The following RNF217 variants were observed in gnomAD, a reference collection of about 807,000 sequenced individuals.
RNF217 encodes the protein ring finger protein 217, also known as E3 ubiquitin-protein ligase RNF217.
Under a neutral mutation model 57.8 loss-of-function variants are expected in RNF217, and 31 were observed. The ratio of observed to expected loss-of-function variants is 0.54; its 90% CI spans 0.40 to 0.72. RNF217 has a LOEUF of 0.72. Ranked by LOEUF, RNF217 falls within the 30% of genes least tolerant of loss-of-function variation. The pLI is 0.00. For synonymous variants in RNF217, 313 were observed against 294.0 expected (o/e 1.06, Z -0.66); for missense variants, 696 against 708.3 (o/e 0.98, Z 0.20).
At chr6:124,972,709 A>G (rs1783807881) in intron 1 of RNF217, among the ~76,000 whole-genome samples, 1 of 152,028 alleles carries the variant, frequency 6.6e-6, no homozygotes, top group Non-Finnish European at 1.5e-5. Context: ...TTGCTGCCCT[A>G]ACTCTCTTTG....
At chr6:124,981,695 G>A (rs1253920840) in intron 1 of RNF217, among the ~76,000 whole-genome samples, 1 of 151,972 alleles carries the variant, frequency 6.6e-6, no homozygotes, top group African/African-American at 2.4e-5. Context: ...ATATTGCCAG[G>A]GTGAAAATCA....
At chr6:124,973,993 T>C (rs1194851237) in intron 1 of RNF217, among the ~76,000 whole-genome samples, 1 of 152,248 alleles carries the variant, frequency 6.6e-6, no homozygotes, top group African/African-American at 2.4e-5. Flanking sequence ...GCTATGGCTG[T>C]CTACCGAGTG....
intron 1 of RNF217, among the ~76,000 whole-genome samples, chr6:124,983,123 T>C (rs1784237642): frequency 6.6e-6 from 1 of 152,196 alleles, no homozygotes; most frequent in Non-Finnish European, 1.5e-5. Context: ...TGAGAGTCTA[T>C]TTATTTATTT....
intron 3 of RNF217, among the ~76,000 whole-genome samples, chr6:125,074,857 GAC>G (rs1303215185): frequency 1.3e-5 from 2 of 152,132 alleles, no homozygotes; most frequent in African/African-American, 4.8e-5. Flanking sequence ...TGAAGGATTT[GAC>G]ACACTTGTTA....
At chr6:125,011,444 T>C (rs1452268042) in intron 1 of RNF217, among the ~76,000 whole-genome samples, 5 of 152,262 alleles carry the variant, frequency 3.3e-5, no homozygotes, top group Admixed American at 6.5e-5. Context: ...ACGTGTTCAA[T>C]TGGGTTTTAG....
At chr6:125,069,950 C>T (rs1788075899) in intron 3 of RNF217, among the ~76,000 whole-genome samples, 1 of 152,012 alleles carries the variant, frequency 6.6e-6, no homozygotes, top group African/African-American at 2.4e-5. Flanking sequence ...ATAGTGCACC[C>T]ATTATCCGAG....
At chr6:124,991,738 A>G (rs1408382665) in intron 1 of RNF217, among the ~76,000 whole-genome samples, 2 of 152,198 alleles carry the variant, frequency 1.3e-5, no homozygotes, top group East Asian at 3.8e-4. Context: ...AAGGGATTTT[A>G]TGTTATAAAT....
intron 1 of RNF217, among the ~76,000 whole-genome samples, chr6:125,040,553 A>G (rs1263008611): frequency 6.6e-6 from 1 of 152,142 alleles, no homozygotes; most frequent in Non-Finnish European, 1.5e-5. Flanking sequence ...TATTCCAAAC[A>G]ATTGAAAAGG....
At position 125,030,251 on chromosome 6, in the gene RNF217, G is replaced by T. The variant is rs148897872; in HGVS notation, c.883-14960G>T. Among the ~76,000 whole-genome samples, 727 of 152,120 alleles carry T rather than the reference G, an allele frequency of 4.8e-3. 2 individuals carry two copies. Among genetic ancestry groups the T allele is most frequent in the Non-Finnish European group, 6.9e-3 (472 of 67,996 alleles). ...CAATTCAGGTTGAGATTTCAGTGGG[G>T]GCACAGCCAAACCATATCATTCTGC... On this transcript the variant is annotated intron_variant, in intron 1 of 5. Transcript: ENST00000521654.
At chr6:125,019,676 C>G (rs1270360630) in intron 1 of RNF217, among the ~76,000 whole-genome samples, 1 of 152,088 alleles carries the variant, frequency 6.6e-6, no homozygotes, top group East Asian at 1.9e-4. Context: ...TTCTCAAGTT[C>G]CATTTTTTTC....
chr6:125,082,111 G>A (rs939751787), intron 5 of RNF217, among the ~76,000 whole-genome samples: 2 of 151,964 alleles, frequency 1.3e-5, no homozygotes, highest in African/African-American at 4.8e-5. Context: ...TGCTGGTTTC[G>A]GTCTGCAGTT....
rs114763396 is a variant in RNF217, at chr6:124,986,933, C to A, written c.882+23507C>A. The stretch of plus-strand genomic sequence containing the variant: ...GGGGTTGAACATTAATGTTTCCTGT[C>A]ATCAGTGTTAATTGTAAATATTCAT... On this transcript the variant is annotated intron_variant, in intron 1 of 5. Transcript: ENST00000521654. 2.9e-3 allele frequency among the ~76,000 whole-genome samples: 447 copies of A among 152,140 alleles called. 2 individuals are homozygous for A. The highest frequency in any genetic ancestry group is 0.01 in the African/African-American group (425 of 41,528).
At chr6:125,078,401 G>A (rs367902852) in intron 4 of RNF217, among the ~76,000 whole-genome samples, 26 of 152,048 alleles carry the variant, frequency 1.7e-4, no homozygotes, top group South Asian at 6.2e-4. Context: ...GTGTGTTTCC[G>A]TCCATTCTTT....
intron 1 of RNF217, among the ~76,000 whole-genome samples, chr6:124,978,959 G>A (rs1472555991): frequency 1.3e-5 from 2 of 152,180 alleles, no homozygotes; most frequent in African/African-American, 2.4e-5. Context: ...TGGAATGGGG[G>A]AATGCAAGCT....
At chr6:124,978,104 A>G (rs539669117) in intron 1 of RNF217, among the ~76,000 whole-genome samples, 10 of 152,166 alleles carry the variant, frequency 6.6e-5, no homozygotes, top group Admixed American at 6.5e-4. Flanking sequence ...ATGTGTCCCT[A>G]TAGAATAGTC....
At chr6:124,987,175 A>G (rs1784394040) in intron 1 of RNF217, among the ~76,000 whole-genome samples, 1 of 152,212 alleles carries the variant, frequency 6.6e-6, no homozygotes, top group Non-Finnish European at 1.5e-5. Flanking sequence ...ATTAGGTGGA[A>G]GCTCCTCAGT....
At position 125,091,554 on chromosome 6, in the gene RNF217, A is replaced by G. The variant is rs1788952351; in HGVS notation, c.*8617A>G. ...AAGCTAACCTATACAAATGGATATT[A>G]AACACCAGAAATTAAAGCCATTAAA... On this transcript the variant is annotated 3_prime_UTR_variant, in exon 6 of 6. Coordinates refer to ENST00000521654, the MANE Select transcript of RNF217 (RefSeq NM_001286398.3). 1 of 152,160 alleles carries G rather than the reference A, an allele frequency of 6.6e-6. No homozygotes were observed. The highest frequency in any genetic ancestry group is 2.1e-4 in the South Asian group (1 of 4,832). The allele number at this position is 152,160 out of a possible 1,614,324, so 9.4% of individuals were successfully genotyped here.
intron 3 of RNF217, among the ~76,000 whole-genome samples, chr6:125,069,217 G>C (rs986462539): frequency 1.3e-5 from 2 of 152,202 alleles, no homozygotes; most frequent in African/African-American, 4.8e-5. Context: ...ATTGCTATCA[G>C]AGTGTTGGCC....
At chr6:125,038,032 A>G (rs1009481615) in intron 1 of RNF217, among the ~76,000 whole-genome samples, 1 of 152,136 alleles carries the variant, frequency 6.6e-6, no homozygotes, top group African/African-American at 2.4e-5. Flanking sequence ...AGAGGTCTTC[A>G]TCACCTGAGT....
Sources: gnomAD v4.1 joint callset for allele counts (sites outside exome capture counted in the v4.1 genomes callset) on GRCh38, gnomAD v4.1.1 for gene constraint, MANE v1.5 for transcripts, NCBI Gene and HGNC (gene_info 2026-07-23, HGNC 2026-07-21) for gene names.